The following FRMPD4 variants were observed in gnomAD, a reference collection of about 807,000 sequenced individuals.
FRMPD4 encodes FERM and PDZ domain-containing protein 4.
Under a neutral mutation model 94.1 loss-of-function variants are expected in FRMPD4, and 22 were observed. That is an observed-to-expected ratio of 0.23 (90% CI 0.17 to 0.33). The LOEUF is 0.33. Among genes scored for constraint, FRMPD4 ranks in the 10% least tolerant of loss-of-function variants. The probability of loss-of-function intolerance (pLI) is 1.00; values close to 1 mark genes in which losing one functional copy is unlikely to be tolerated. For synonymous variants in FRMPD4, 631 were observed against 548.6 expected (o/e 1.15, Z -2.10); for missense variants, 1,111 against 1,339.9 (o/e 0.83, Z 2.67).
intron 1 of FRMPD4, among the ~76,000 whole-genome samples, chrX:12,393,977 G>T (rs748327711): frequency 1.8e-5 from 2 of 111,023 alleles, no homozygotes; most frequent in Non-Finnish European, 3.8e-5. Context: ...AGTTATATAA[G>T]TTATCACCAT....
intron 4 of FRMPD4, among the ~76,000 whole-genome samples, chrX:12,673,127 C>T (rs1308166933): frequency 9.0e-6 from 1 of 111,465 alleles, no homozygotes; most frequent in Non-Finnish European, 1.9e-5. Flanking sequence ...TGAGCTGGGC[C>T]CATTGCTTGC....
At chrX:12,566,687 CTATT>C (rs1371615912) in intron 2 of FRMPD4, among the ~76,000 whole-genome samples, 2 of 111,804 alleles carry the variant, frequency 1.8e-5, no homozygotes, top group Non-Finnish European at 3.8e-5. Context: ...TTTATCGAAA[CTATT>C]TATTTTGCTT....
intron 1 of FRMPD4, among the ~76,000 whole-genome samples, chrX:12,463,629 C>T (rs2057413833): frequency 9.8e-6 from 1 of 102,415 alleles, no homozygotes; most frequent in African/African-American, 3.6e-5. Flanking sequence ...ATGCTTCCTT[C>T]ATTACTTCTG....
intron 1 of FRMPD4, among the ~76,000 whole-genome samples, chrX:12,279,220 C>T (rs1252750193): frequency 4.4e-5 from 5 of 112,515 alleles, no homozygotes; most frequent in Non-Finnish European, 9.4e-5. Context: ...GGCTGTAGTG[C>T]ACCCACCGTA....
rs764092743 is a variant in FRMPD4, at chrX:12,703,849, G to T, written c.1071-510G>T. Among the ~76,000 whole-genome samples, 123 of 111,903 alleles carry T rather than the reference G, an allele frequency of 1.1e-3. 1 individual carries two copies. Among genetic ancestry groups the T allele is most frequent in the African/African-American group, 3.7e-3 (114 of 30,789 alleles). ...GATGGAGGGAGTTAGACAGGAACTG[G>T]CTGGGACAAAAGAACTGTGTGTGCC... is the stretch of plus-strand genomic sequence containing the variant. On this transcript the variant is annotated intron_variant, in intron 10 of 16. Transcript: ENST00000675598.
chrX:11,850,204 A>G (rs1436816886), intron 1 of FRMPD4, among the ~76,000 whole-genome samples: 1 of 112,389 alleles, frequency 8.9e-6, no homozygotes, highest in Non-Finnish European at 1.9e-5. Flanking sequence ...TATTAGAGCA[A>G]TGCAAATGAA....
intron 3 of FRMPD4, among the ~76,000 whole-genome samples, chrX:12,033,383 T>G (rs756792421): frequency 9.0e-6 from 1 of 111,090 alleles, no homozygotes; most frequent in Non-Finnish European, 1.9e-5. Flanking sequence ...GGAGAATTAT[T>G]TGAGTTTAAG....
At chrX:12,329,768 C>T (rs187093192) in intron 1 of FRMPD4, among the ~76,000 whole-genome samples, 33 of 105,182 alleles carry the variant, frequency 3.1e-4, no homozygotes, top group African/African-American at 9.4e-4. Context: ...GAATCTCTTT[C>T]GTTATAATCA....
intron 1 of FRMPD4, among the ~76,000 whole-genome samples, chrX:12,172,715 C>T (rs2056244139): frequency 8.9e-6 from 1 of 112,176 alleles, no homozygotes; most frequent in African/African-American, 3.2e-5. Flanking sequence ...GTGAGAGAGA[C>T]CTACTATGGC....
At chrX:12,408,216 T>G (rs1274725403) in intron 1 of FRMPD4, among the ~76,000 whole-genome samples, 1 of 105,451 alleles carries the variant, frequency 9.5e-6, no homozygotes, top group Non-Finnish European at 1.9e-5. Flanking sequence ...AACATCAAGG[T>G]TGTTTGACCT....
chrX:12,320,983 A>G (rs147079348), intron 1 of FRMPD4, among the ~76,000 whole-genome samples: 1,169 of 112,323 alleles, frequency 0.01, 15 homozygotes, highest in African/African-American at 0.036. Flanking sequence ...GCAAAGCTAG[A>G]CTCAGTTATC....
intron 1 of FRMPD4, among the ~76,000 whole-genome samples, chrX:12,491,809 C>T (rs780875377): frequency 1.8e-5 from 2 of 111,570 alleles, no homozygotes; most frequent in Admixed American, 1.9e-4. Flanking sequence ...ATTGTCCATC[C>T]CCTCAAGGGT....
At chrX:12,385,893 G>A (rs2056391559) in intron 1 of FRMPD4, among the ~76,000 whole-genome samples, 1 of 112,214 alleles carries the variant, frequency 8.9e-6, no homozygotes, top group Non-Finnish European at 1.9e-5. Context: ...ATAGTGCTTT[G>A]TTTTTCTCAC....
intron 1 of FRMPD4, among the ~76,000 whole-genome samples, chrX:12,394,927 C>T (rs953243485): frequency 9.0e-6 from 1 of 111,274 alleles, no homozygotes; most frequent in African/African-American, 3.3e-5. Flanking sequence ...AAATGCTGAC[C>T]GACATAAAGA....
chrX:12,647,775 A>G (rs2059561646), intron 4 of FRMPD4, among the ~76,000 whole-genome samples: 3 of 111,819 alleles, frequency 2.7e-5, no homozygotes, highest in Non-Finnish European at 5.6e-5. Flanking sequence ...TAGTATTGGC[A>G]TTCTCCTGGC....
At chrX:12,080,285 A>G (rs1195110904) in intron 3 of FRMPD4, among the ~76,000 whole-genome samples, 1 of 112,528 alleles carries the variant, frequency 8.9e-6, no homozygotes, top group Non-Finnish European at 1.9e-5. Flanking sequence ...TCCTGGTGTC[A>G]TTATTTTCAA....
At chrX:11,972,735 G>T (rs1323825642) in intron 3 of FRMPD4, among the ~76,000 whole-genome samples, 3 of 112,424 alleles carry the variant, frequency 2.7e-5, no homozygotes, top group Non-Finnish European at 5.6e-5. Flanking sequence ...TACATGTAAA[G>T]CACATAATGG....
intron 3 of FRMPD4, among the ~76,000 whole-genome samples, chrX:12,079,623 A>C (rs1266580485): frequency 8.9e-6 from 1 of 112,175 alleles, no homozygotes; most frequent in South Asian, 3.7e-4. Flanking sequence ...CCATAAATCT[A>C]AAGTACTGGC....
At chrX:12,156,609 G>T (rs1299130814) in intron 1 of FRMPD4, among the ~76,000 whole-genome samples, 1 of 112,082 alleles carries the variant, frequency 8.9e-6, no homozygotes, top group African/African-American at 3.2e-5. Flanking sequence ...GAGTTCACAA[G>T]AACTGAAAAG....
Sources: gnomAD v4.1 joint callset for allele counts (sites outside exome capture counted in the v4.1 genomes callset) on GRCh38, gnomAD v4.1.1 for gene constraint, MANE v1.5 for transcripts, NCBI Gene and HGNC (gene_info 2026-07-23, HGNC 2026-07-21) for gene names.